The following SESTD1 variants were observed in gnomAD, a reference collection of about 807,000 sequenced individuals.
SESTD1 encodes SEC14 domain and spectrin repeat-containing protein 1.
Under a neutral mutation model 101.7 loss-of-function variants are expected in SESTD1, and 43 were observed. The observed-to-expected ratio is 0.42, with a 90% CI of 0.33 to 0.55. SESTD1 has a LOEUF of 0.55. SESTD1 is among the 20% of genes least tolerant of loss of function. The probability of loss-of-function intolerance (pLI) is 0.07; values close to 1 mark genes in which losing one functional copy is unlikely to be tolerated. For synonymous variants in SESTD1, 283 were observed against 286.8 expected, an observed-to-expected ratio of 0.99 and a Z score of 0.13; for missense variants, 647 against 815.1, an observed-to-expected ratio of 0.79 and a Z score of 2.51.
rs189959690 is a variant in SESTD1, at chr2:179,209,072, G to A, written c.-25-17206C>T. Reference sequence around the variant, plus strand: ...GACACCAAAAGTGAGCAGGCGTGGCGTAGCTATTCTTCTATCAGACAAAAC... The same window carrying A: ...GACACCAAAAGTGAGCAGGCGTGGCATAGCTATTCTTCTATCAGACAAAAC... On this transcript the variant is annotated intron_variant, in intron 1 of 17. Coordinates refer to ENST00000428443, the MANE Select transcript of SESTD1 (RefSeq NM_178123.5). Among the ~76,000 whole-genome samples, 213 of 134,572 alleles carry A rather than the reference G, an allele frequency of 1.6e-3. 53 individuals are homozygous for A. Among genetic ancestry groups the A allele is most frequent in the Admixed American group, 3.5e-3 (48 of 13,832 alleles). The allele number at this position is 134,572 out of a possible 152,430, so 88.3% of individuals were successfully genotyped here.
intron 1 of SESTD1, among the ~76,000 whole-genome samples, chr2:179,236,100 C>A (rs543966459): frequency 3.5e-4 from 53 of 152,162 alleles, no homozygotes; most frequent in Non-Finnish European, 6.9e-4. Flanking sequence ...TTATCCATCT[C>A]CCCTTCTAAC....
At chr2:179,174,719 G>T (rs1478860000) in intron 4 of SESTD1, among the ~76,000 whole-genome samples, 1 of 152,074 alleles carries the variant, frequency 6.6e-6, no homozygotes, top group Non-Finnish European at 1.5e-5. Flanking sequence ...TCAGCGATTT[G>T]GGAGGCTGAA....
intron 1 of SESTD1, among the ~76,000 whole-genome samples, chr2:179,256,503 A>T (rs769522607): frequency 1.3e-5 from 2 of 152,204 alleles, no homozygotes; most frequent in African/African-American, 4.8e-5. Flanking sequence ...GAATTGCTGC[A>T]ATCTCAAGAT....
At chr2:179,127,739 A>G (rs1396412891) in intron 10 of SESTD1, among the ~76,000 whole-genome samples, 2 of 152,230 alleles carry the variant, frequency 1.3e-5, no homozygotes, top group Non-Finnish European at 2.9e-5. Flanking sequence ...GGTGATGATA[A>G]TATCTGTCTT....
intron 1 of SESTD1, among the ~76,000 whole-genome samples, chr2:179,232,456 T>C (rs998684660): frequency 1.3e-5 from 2 of 151,588 alleles, no homozygotes; most frequent in African/African-American, 4.8e-5. Context: ...TTTAAGTAAA[T>C]GAACAAGGTT....
chr2:179,138,870 CAAAAAAAAAAAAAAAAA>C (rs61703699), intron 9 of SESTD1, among the ~76,000 whole-genome samples: 1 of 65,538 alleles, frequency 1.5e-5, no homozygotes, highest in African/African-American at 4.4e-5. Flanking sequence ...AACCCTGTCT[CAAAAAAAAAAAAAAAAA>C]AAAAAAAAAA....
At chr2:179,193,644 A>C (rs1419269974) in intron 1 of SESTD1, among the ~76,000 whole-genome samples, 2 of 152,208 alleles carry the variant, frequency 1.3e-5, no homozygotes, top group Non-Finnish European at 2.9e-5. Flanking sequence ...TTATTATCTT[A>C]GTCTTCACAA....
intron 1 of SESTD1, among the ~76,000 whole-genome samples, chr2:179,242,536 G>C (rs987589123): frequency 7.9e-5 from 12 of 152,158 alleles, no homozygotes; most frequent in African/African-American, 2.9e-4. Context: ...AACAAAGCCA[G>C]AGGTATTACA....
chr2:179,167,854 C>A (rs577072429), intron 5 of SESTD1, among the ~76,000 whole-genome samples: 35 of 152,260 alleles, frequency 2.3e-4, no homozygotes, highest in Non-Finnish European at 5.0e-4. Flanking sequence ...CCTGGGCCTC[C>A]TGGGTTCAAG....
chr2:179,129,062 A>C (rs924367484), intron 10 of SESTD1, among the ~76,000 whole-genome samples: 9 of 152,202 alleles, frequency 5.9e-5, no homozygotes, highest in African/African-American at 1.4e-4. Flanking sequence ...GGCAGAAGGA[A>C]ACAGTGCCAA....
intron 1 of SESTD1, among the ~76,000 whole-genome samples, chr2:179,261,036 T>C (rs1169646278): frequency 6.6e-6 from 1 of 152,196 alleles, no homozygotes; most frequent in Admixed American, 6.5e-5. Context: ...TCTCTCTATA[T>C]ATATACACAT....
At chr2:179,180,058 T>C (rs1359923583) in intron 3 of SESTD1, among the ~76,000 whole-genome samples, 1 of 152,212 alleles carries the variant, frequency 6.6e-6, no homozygotes, top group Non-Finnish European at 1.5e-5. Context: ...TTTCATGCTT[T>C]GTTTTCATAG....
Position 179,104,582 on chromosome 2 carries a change from G to T in SESTD1, c.*5317C>A, listed in dbSNP as rs2044340345. 1 of 152,064 alleles carries T rather than the reference G, an allele frequency of 6.6e-6. No homozygotes were observed. The highest frequency in any genetic ancestry group is 2.1e-4 in the South Asian group (1 of 4,824). The allele number at this position is 152,064 out of a possible 1,614,324, so 9.4% of individuals were successfully genotyped here. ...GGACACCCTAAAGACATGGTATTCAGCTTGTGAAGACTTCTAAGGTGCCTC... is the reference window on the plus strand; with the variant it reads ...GGACACCCTAAAGACATGGTATTCATCTTGTGAAGACTTCTAAGGTGCCTC... On this transcript the variant is annotated 3_prime_UTR_variant, in exon 18 of 18. Transcript: ENST00000428443.
chr2:179,123,293 AAAACC>A (rs2044793864), intron 12 of SESTD1, among the ~76,000 whole-genome samples: 1 of 152,242 alleles, frequency 6.6e-6, no homozygotes, highest in East Asian at 1.9e-4. Flanking sequence ...CAAGAACCAA[AAAACC>A]AAACCAACTA....
At chr2:179,134,857 C>A (rs1479906852) in intron 9 of SESTD1, among the ~76,000 whole-genome samples, 1 of 152,124 alleles carries the variant, frequency 6.6e-6, no homozygotes, top group African/African-American at 2.4e-5. Context: ...CTCTAAAACT[C>A]GTTTCTATCT....
intron 1 of SESTD1, among the ~76,000 whole-genome samples, chr2:179,198,374 C>T (rs1316510546): frequency 2.0e-5 from 3 of 152,210 alleles, no homozygotes; most frequent in African/African-American, 7.2e-5. Flanking sequence ...TAACACCCCA[C>T]TGTCAACATT....
At chr2:179,237,503 G>C (rs1054305863) in intron 1 of SESTD1, among the ~76,000 whole-genome samples, 1 of 152,126 alleles carries the variant, frequency 6.6e-6, no homozygotes, top group Non-Finnish European at 1.5e-5. Context: ...CACTGAGCCA[G>C]TTTTTATTTA....
chr2:179,158,313 A>G (rs763227984), intron 5 of SESTD1, among the ~76,000 whole-genome samples: 3 of 152,148 alleles, frequency 2.0e-5, no homozygotes, highest in Non-Finnish European at 4.4e-5. Flanking sequence ...ATCTTGTCCA[A>G]TGAAGAGCTC....
intron 9 of SESTD1, among the ~76,000 whole-genome samples, chr2:179,133,628 G>C (rs547389176): frequency 1.4e-4 from 21 of 152,230 alleles, no homozygotes; most frequent in African/African-American, 5.1e-4. Flanking sequence ...TCTAAACTCA[G>C]GATAGCTCCC....
Sources: allele counts gnomAD v4.1 joint callset (sites outside exome capture counted in the v4.1 genomes callset), GRCh38; gene constraint gnomAD v4.1.1; transcripts MANE v1.5; gene names NCBI Gene and HGNC (gene_info 2026-07-23, HGNC 2026-07-21).